CNOT10: variants seen among roughly 807,000 people sequenced by gnomAD.
CNOT10 encodes the protein CCR4-NOT transcription complex, subunit 10.
CNOT10 carries 30 observed loss-of-function variants against 94.6 expected under a neutral mutation model. The ratio of observed to expected loss-of-function variants is 0.32; its 90% CI spans 0.24 to 0.43. The LOEUF is 0.43. Among genes scored for constraint, CNOT10 ranks in the 20% least tolerant of loss-of-function variants. CNOT10 has a pLI of 1.00. For missense variants in CNOT10, 759 were observed against 877.2 expected (o/e 0.87, Z 1.70); for synonymous variants, 289 against 301.6 (o/e 0.96, Z 0.43).
At chr3:32,715,965 C>T in intron 5 of CNOT10, 1 of 285,368 alleles carries the variant, frequency 3.5e-6, no homozygotes, top group Non-Finnish European at 6.5e-6. Flanking sequence ...GGCCACCATG[C>T]CCAGCTAATT....
At chr3:32,695,668 AAG>A (rs1697015816) in intron 1 of CNOT10, 1 of 1,536,072 alleles carries the variant, frequency 6.5e-7, no homozygotes, top group Non-Finnish European at 8.7e-7. Flanking sequence ...TTGTGGGTCA[AAG>A]AGCTCTGTAC....
At chr3:32,749,758 A>AT (rs201355956) in intron 13 of CNOT10, among the ~76,000 whole-genome samples, 110 of 149,914 alleles carry the variant, frequency 7.3e-4, no homozygotes, top group Middle Eastern at 3.4e-3. Context: ...GCTCAACTTC[A>AT]TTTTTTTTTG....
intron 17 of CNOT10, among the ~76,000 whole-genome samples, chr3:32,767,613 T>C (rs1046651209): frequency 2.0e-5 from 3 of 151,478 alleles, no homozygotes; most frequent in Non-Finnish European, 2.9e-5. Context: ...TGCTTTACCA[T>C]GTGAAAAATA....
At chr3:32,742,245 G>T (rs1699504298) in intron 13 of CNOT10, among the ~76,000 whole-genome samples, 1 of 152,118 alleles carries the variant, frequency 6.6e-6, no homozygotes, top group South Asian at 2.1e-4. Context: ...CACCTGGCCT[G>T]TTATAGGCAC....
intron 4 of CNOT10, among the ~76,000 whole-genome samples, chr3:32,712,190 C>G (rs369210815): frequency 2.0e-5 from 3 of 148,798 alleles, no homozygotes; most frequent in East Asian, 4.0e-4. Flanking sequence ...ATCTCCATGA[C>G]CTAGAAAAGC....
chr3:32,704,771 A>G (rs1376117053), intron 2 of CNOT10, 40 bp from the exon 3 acceptor site: 20 of 1,527,484 alleles, frequency 1.3e-5, no homozygotes, highest in Non-Finnish European at 1.7e-5. Context: ...TAAAGCTGGT[A>G]TGTAATTTTG....
In CNOT10 at chr3:32,725,442, T is replaced by C. The variant is rs764858731; in HGVS notation, c.863-8T>C. On this transcript the variant is annotated splice_region_variant and splice_polypyrimidine_tract_variant and intron_variant, in intron 8 of 18. Transcript: ENST00000328834. ...TTCTGTGGACAAATTTATTTGCATTTTTTTCAGGTGAATGCTTGAGATGCA... is the reference window on the plus strand; with the variant it reads ...TTCTGTGGACAAATTTATTTGCATTCTTTTCAGGTGAATGCTTGAGATGCA... 2.5e-6 allele frequency: 4 copies of C among 1,612,876 alleles called. No homozygotes were observed. The highest frequency in any genetic ancestry group is 3.4e-6 in the Non-Finnish European group (4 of 1,179,374).
chr3:32,686,697 A>T (rs543507863), intron 1 of CNOT10, among the ~76,000 whole-genome samples: 3 of 152,212 alleles, frequency 2.0e-5, no homozygotes, highest in Non-Finnish European at 4.4e-5. Context: ...TGGCCTGTCC[A>T]AGGCTGGACC....
At chr3:32,729,360 CG>C (rs1698833285) in intron 10 of CNOT10, among the ~76,000 whole-genome samples, 1 of 152,106 alleles carries the variant, frequency 6.6e-6, no homozygotes, top group Non-Finnish European at 1.5e-5. Context: ...AGGGGAAAGA[CG>C]GGTTGTGTCA....
At chr3:32,752,267 C>G (rs1272760619) in intron 13 of CNOT10, among the ~76,000 whole-genome samples, 2 of 150,678 alleles carry the variant, frequency 1.3e-5, no homozygotes, top group East Asian at 3.9e-4. Flanking sequence ...CCAGCCTGGG[C>G]AACAAGAGCG....
chr3:32,720,495 T>A (rs892448578), intron 8 of CNOT10, among the ~76,000 whole-genome samples: 4 of 151,750 alleles, frequency 2.6e-5, no homozygotes, highest in Middle Eastern at 3.2e-3. Flanking sequence ...CCACCTTTTT[T>A]ATTTTTATTT....
rs187305217 is a variant in CNOT10, at chr3:32,771,143, A to G, written c.2080+1181A>G. On this transcript the variant is annotated intron_variant, in intron 18 of 18. Coordinates refer to ENST00000328834, the MANE Select transcript of CNOT10 (RefSeq NM_015442.3). The stretch of plus-strand genomic sequence containing the variant: ...GGAGTTCAAGACCAGCCTGGGCAAC[A>G]TGGCAAAACCCCATCTCTACAAAAA... Among the ~76,000 whole-genome samples, 535 of 152,106 alleles carry G rather than the reference A, an allele frequency of 3.5e-3. 1 individual carries two copies. Among genetic ancestry groups the G allele is most frequent in the Non-Finnish European group, 6.6e-3 (448 of 67,990 alleles).
chr3:32,757,924 G>T (rs1230605289), intron 13 of CNOT10, among the ~76,000 whole-genome samples: 2 of 152,178 alleles, frequency 1.3e-5, no homozygotes, highest in African/African-American at 4.8e-5. Context: ...CATACTCAGG[G>T]ACAAAATATA....
In CNOT10 at chr3:32,715,958, C is replaced by T. The variant is rs1698099587; in HGVS notation, c.574-267C>T. 2.2e-5 allele frequency: 6 copies of T among 269,210 alleles called. No individual in the cohort carries two copies. In the South Asian group the frequency reaches 4.5e-4, roughly 20 times the overall value. The allele number at this position is 269,210 out of a possible 1,614,324, so 16.7% of individuals were successfully genotyped here. Reference sequence around the variant, plus strand: ...GTAGCTGGGACTACAGGTACATGGCCACCATGCCCAGCTAATTTTTGTATT... The same window carrying T: ...GTAGCTGGGACTACAGGTACATGGCTACCATGCCCAGCTAATTTTTGTATT... On this transcript the variant is annotated intron_variant, in intron 5 of 18. Coordinates refer to ENST00000328834, the MANE Select transcript of CNOT10 (RefSeq NM_015442.3).
At chr3:32,719,548 TAGG>T (rs1314530283) in intron 7 of CNOT10, among the ~76,000 whole-genome samples, 1 of 152,156 alleles carries the variant, frequency 6.6e-6, no homozygotes, top group Non-Finnish European at 1.5e-5. Flanking sequence ...GGAGGATTCT[TAGG>T]AGAAGTGAAA....
Position 32,697,534 on chromosome 3 carries a change from G to A in CNOT10, c.23-6334G>A, listed in dbSNP as rs1209563209. 3.3e-5 allele frequency among the ~76,000 whole-genome samples: 5 copies of A among 152,234 alleles called. No individual in the cohort carries two copies. In the East Asian group the frequency reaches 7.7e-4, roughly 24 times the overall value. ...CACCCAGGCTGGAGTGCAGTGGCATGGTCACGGCTCACTGCAGCCTCAACC... is the reference window on the plus strand; with the variant it reads ...CACCCAGGCTGGAGTGCAGTGGCATAGTCACGGCTCACTGCAGCCTCAACC... On this transcript the variant is annotated intron_variant, in intron 1 of 18. Coordinates refer to ENST00000328834, the MANE Select transcript of CNOT10 (RefSeq NM_015442.3).
At chr3:32,736,340 G>A (rs1212102403) in intron 12 of CNOT10, among the ~76,000 whole-genome samples, 1 of 152,042 alleles carries the variant, frequency 6.6e-6, no homozygotes, top group African/African-American at 2.4e-5. Flanking sequence ...TCCCTCCTCG[G>A]CCTCCCAGAG....
Position 32,710,147 on chromosome 3 carries a change from CAAAAA to C in CNOT10, c.430+1345_430+1349del, listed in dbSNP as rs68126514. On this transcript the variant is annotated intron_variant, in intron 4 of 18. Coordinates refer to ENST00000328834, the MANE Select transcript of CNOT10 (RefSeq NM_015442.3). The stretch of plus-strand genomic sequence containing the variant: ...GAGCAACAAGAGCAAAACTTGCTCT[CAAAAA>C]AAAAAAAAAAAAAAAAAGAGAATTT... Among the ~76,000 whole-genome samples, 472 of 70,658 alleles carry C rather than the reference CAAAAA, an allele frequency of 6.7e-3. 3 individuals are homozygous for C. The highest frequency in any genetic ancestry group is 0.033 in the East Asian group (89 of 2,676). The allele number at this position is 70,658 out of a possible 152,430, so 46.4% of individuals were successfully genotyped here.
intron 17 of CNOT10, 86 bp from the exon 18 acceptor site, chr3:32,769,801 T>C (rs887850737): frequency 4.1e-5 from 42 of 1,034,242 alleles, no homozygotes; most frequent in Admixed American, 8.6e-5. Flanking sequence ...TGAATAAGTT[T>C]GTTACCTTGT....
Sources: gnomAD v4.1 joint callset for allele counts (sites outside exome capture counted in the v4.1 genomes callset) on GRCh38, gnomAD v4.1.1 for gene constraint, MANE v1.5 for transcripts, NCBI Gene and HGNC (gene_info 2026-07-23, HGNC 2026-07-21) for gene names.